DLG1: variants seen among roughly 807,000 people sequenced by gnomAD.
The protein encoded by DLG1 is discs large MAGUK scaffold protein 1.
In DLG1, 42 loss-of-function variants were observed where a neutral mutation model predicts 123.4. The observed-to-expected ratio is 0.34, with a 90% CI of 0.27 to 0.44. The LOEUF (loss-of-function observed/expected upper bound fraction) is 0.44, where lower values mean the gene tolerates loss of function less well. Ranked by LOEUF, DLG1 falls within the 20% of genes least tolerant of loss-of-function variation. The probability of loss-of-function intolerance (pLI) is 1.00; values close to 1 mark genes in which losing one functional copy is unlikely to be tolerated. For synonymous variants in DLG1, 317 were observed against 356.2 expected (o/e 0.89, Z 1.24); for missense variants, 942 against 1,082.6 (o/e 0.87, Z 1.82).
At chr3:197,073,009 T>C (rs1051532697) in intron 18 of DLG1, among the ~76,000 whole-genome samples, 1 of 152,222 alleles carries the variant, frequency 6.6e-6, no homozygotes, top group African/African-American at 2.4e-5. Context: ...TTTATGATGT[T>C]TGATGAACAG....
intron 18 of DLG1, among the ~76,000 whole-genome samples, chr3:197,072,755 T>A (rs1159313466): frequency 6.6e-6 from 1 of 151,682 alleles, no homozygotes; most frequent in African/African-American, 2.4e-5. Context: ...AGCAGTGGCG[T>A]GATCTCGGCT....
chr3:197,068,520 C>A, intron 19 of DLG1: 1 of 1,582,640 alleles, frequency 6.3e-7, no homozygotes, highest in South Asian at 1.1e-5. Context: ...CAGCCATACT[C>A]ATCTGTAATC....
At chr3:197,152,157 C>A (rs1048171455) in intron 5 of DLG1, among the ~76,000 whole-genome samples, 1 of 152,150 alleles carries the variant, frequency 6.6e-6, no homozygotes, top group Non-Finnish European at 1.5e-5. Context: ...GTATTGCTAT[C>A]TTTTCACAGA....
intron 16 of DLG1, among the ~76,000 whole-genome samples, chr3:197,083,035 C>T (rs769876572): frequency 6.6e-6 from 1 of 152,136 alleles, no homozygotes; most frequent in African/African-American, 2.4e-5. Flanking sequence ...ATAGAGGAAG[C>T]ATTTCCGAAT....
intron 17 of DLG1, among the ~76,000 whole-genome samples, chr3:197,080,171 C>T (rs1019531457): frequency 1.3e-5 from 2 of 150,204 alleles, no homozygotes; most frequent in Admixed American, 1.3e-4. Flanking sequence ...TCTCATCTAT[C>T]GACAGCCCAA....
chr3:197,266,076 T>C (rs1028091728), intron 4 of DLG1, among the ~76,000 whole-genome samples: 2 of 152,006 alleles, frequency 1.3e-5, no homozygotes, highest in African/African-American at 4.8e-5. Context: ...GCAGTCTGAA[T>C]GGCATCAAAC....
intron 4 of DLG1, among the ~76,000 whole-genome samples, chr3:197,198,790 G>A (rs1289427520): frequency 6.6e-6 from 1 of 152,148 alleles, no homozygotes; most frequent in African/African-American, 2.4e-5. Context: ...GGTCAAGAAT[G>A]TGGAAAAATG....
intron 5 of DLG1, among the ~76,000 whole-genome samples, chr3:197,178,631 G>C (rs1207891026): frequency 6.6e-6 from 1 of 152,154 alleles, no homozygotes; most frequent in East Asian, 1.9e-4. Context: ...ACTGAGCCCT[G>C]AGACATTTGA....
chr3:197,101,087 T>C (rs909892557), intron 14 of DLG1, among the ~76,000 whole-genome samples: 2 of 152,200 alleles, frequency 1.3e-5, no homozygotes, highest in Non-Finnish European at 2.9e-5. Flanking sequence ...AAACTTTTTT[T>C]CCATGTTAAT....
chr3:197,180,678 A>T (rs367634900), intron 5 of DLG1, among the ~76,000 whole-genome samples: 6 of 152,142 alleles, frequency 3.9e-5, no homozygotes, highest in African/African-American at 9.7e-5. Context: ...TGGGGACTGA[A>T]AGGGGTGAGG....
intron 4 of DLG1, among the ~76,000 whole-genome samples, chr3:197,204,861 G>A (rs1285192936): frequency 6.6e-6 from 1 of 151,966 alleles, no homozygotes; most frequent in African/African-American, 2.4e-5. Flanking sequence ...AATCCCCTGT[G>A]GATACAGGAA....
intron 23 of DLG1, among the ~76,000 whole-genome samples, chr3:197,055,128 C>G (rs1355477770): frequency 6.6e-6 from 1 of 151,776 alleles, no homozygotes; most frequent in Admixed American, 6.6e-5. Context: ...TTTTGCTTAC[C>G]TTTTATAGAG....
rs547302087 is a variant in DLG1 at position 197,286,313 on chromosome 3, C to T, written c.152-3468G>A. Reference sequence around the variant, plus strand: ...TCTCCAACCTTTTTGGCACCAAAGACCGGTTTTATGGAAGACAATTTTTCC... The same window carrying T: ...TCTCCAACCTTTTTGGCACCAAAGATCGGTTTTATGGAAGACAATTTTTCC... On this transcript the variant is annotated intron_variant, in intron 3 of 24. Coordinates refer to ENST00000667157, the MANE Select transcript of DLG1 (RefSeq NM_001366207.1). Among the ~76,000 whole-genome samples, 268 of 152,218 alleles carry T rather than the reference C, an allele frequency of 1.8e-3. 2 individuals carry two copies. The highest frequency in any genetic ancestry group is 6.0e-3 in the African/African-American group (250 of 41,532).
At chr3:197,064,256 C>CG (rs1407045380) in intron 22 of DLG1, among the ~76,000 whole-genome samples, 1 of 150,274 alleles carries the variant, frequency 6.7e-6, no homozygotes, top group Non-Finnish European at 1.5e-5. Flanking sequence ...TGCAACGGCA[C>CG]GACCTCGGCT....
intron 3 of DLG1, among the ~76,000 whole-genome samples, chr3:197,286,003 C>T (rs899839399): frequency 2.0e-5 from 3 of 152,134 alleles, no homozygotes; most frequent in African/African-American, 7.2e-5. Flanking sequence ...AGTAGATAAA[C>T]TGTAGTATGT....
intron 7 of DLG1, 45 bp downstream of exon 7, chr3:197,142,673 A>G: frequency 7.1e-7 from 1 of 1,418,018 alleles, no homozygotes; most frequent in Non-Finnish European, 9.8e-7. Context: ...AAAGCAGTAT[A>G]TTACAAAGTT....
At chr3:197,094,361 AGT>A (rs906640344) in intron 14 of DLG1, among the ~76,000 whole-genome samples, 4 of 152,142 alleles carry the variant, frequency 2.6e-5, no homozygotes, top group Non-Finnish European at 5.9e-5. Context: ...TGTTCTTTTA[AGT>A]GTGTGTGTAA....
In DLG1 at chr3:197,044,446, T is replaced by C; in HGVS notation, c.*177A>G. The C allele has an allele frequency of 2.2e-6, 1 of 446,014 alleles. No homozygotes were observed. The highest frequency in any genetic ancestry group is 4.0e-6 in the Non-Finnish European group (1 of 249,644). 27.6% of individuals were successfully genotyped at this position (446,014 alleles called of 1,614,324 possible). ...GCCACTAACCAATAGTGACATTAAA[T>C]AATACACACGATGTAACTTGAAGGA... On this transcript the variant is annotated 3_prime_UTR_variant, in exon 25 of 25. Coordinates refer to ENST00000667157, the MANE Select transcript of DLG1 (RefSeq NM_001366207.1).
chr3:197,179,432 A>G (rs534200020), intron 5 of DLG1, among the ~76,000 whole-genome samples: 15 of 152,280 alleles, frequency 9.9e-5, no homozygotes, highest in African/African-American at 3.4e-4. Flanking sequence ...CTGTAATTAA[A>G]GGTGTTGAGA....
Sources: gnomAD v4.1 joint callset for allele counts (sites outside exome capture counted in the v4.1 genomes callset) on GRCh38, gnomAD v4.1.1 for gene constraint, MANE v1.5 for transcripts, NCBI Gene and HGNC (gene_info 2026-07-23, HGNC 2026-07-21) for gene names.